Variants in PNPLA7 observed in about 807,000 individuals in gnomAD.
PNPLA7 encodes patatin like domain 7, lysophospholipase, also known as patatin-like phospholipase domain-containing protein 7.
In PNPLA7, 153 loss-of-function variants were observed where a neutral mutation model predicts 161.7. That is an observed-to-expected ratio of 0.95 (90% CI 0.83 to 1.08). The LOEUF (loss-of-function observed/expected upper bound fraction) is 1.08, where lower values mean the gene tolerates loss of function less well. Ranked by LOEUF, PNPLA7 falls within the 50% of genes least tolerant of loss-of-function variation. The pLI is 0.00. For missense variants in PNPLA7, 1,739 were observed against 1,856.6 expected (o/e 0.94, Z 1.16); for synonymous variants, 809 against 782.1 (o/e 1.03, Z -0.57).
chr9:137,504,273 G>A (rs537658674), intron 14 of PNPLA7, among the ~76,000 whole-genome samples: 25 of 152,128 alleles, frequency 1.6e-4, no homozygotes, highest in African/African-American at 5.3e-4. Flanking sequence ...GTGCAGTGGC[G>A]CAATCTTGGC....
chr9:137,542,924 C>A (rs149602959), intron 6 of PNPLA7, 123 bp from the exon 7 acceptor site: 2 of 989,758 alleles, frequency 2.0e-6, no homozygotes, highest in Non-Finnish European at 3.0e-6. Context: ...TGGGTCCACA[C>A]GGCTGACCAA....
intron 17 of PNPLA7, among the ~76,000 whole-genome samples, chr9:137,497,684 C>T (rs1171068411): frequency 1.3e-5 from 2 of 152,224 alleles, no homozygotes; most frequent in South Asian, 2.1e-4. Context: ...CACACCACCA[C>T]GCCCAGCTAA....
intron 11 of PNPLA7, 89 bp downstream of exon 11, chr9:137,519,828 C>T (rs978836771): frequency 2.4e-5 from 36 of 1,516,372 alleles, no homozygotes; most frequent in Non-Finnish European, 3.0e-5. Flanking sequence ...CAGGCATGTG[C>T]AAGATGACCT....
chr9:137,541,277 G>C lies in PNPLA7; in HGVS notation c.667-555C>G. The C allele has an allele frequency of 4.2e-6, 1 of 235,752 alleles. No individual in the cohort carries two copies. The highest frequency in any genetic ancestry group is 6.9e-6 in the Non-Finnish European group (1 of 144,676). 14.6% of individuals were successfully genotyped at this position (235,752 alleles called of 1,614,324 possible). A position where few individuals can be genotyped will look rare whatever the true frequency, so the allele number is the denominator to read the frequency against. ...GACACGGGTTCTGGTCCTTCAGGAG[G>C]GCCCCGCACGAGCGGCAACGAAAGC... On this transcript the variant is annotated intron_variant, in intron 7 of 34. Transcript: ENST00000406427. The surrounding 1 kb of genome is among the most constrained non-coding windows in gnomAD (Gnocchi z 4.4).
chr9:137,544,982 G>A (rs1836417376), intron 4 of PNPLA7, among the ~76,000 whole-genome samples: 1 of 152,064 alleles, frequency 6.6e-6, no homozygotes, highest in Non-Finnish European at 1.5e-5. Context: ...ACACGAATTA[G>A]TTGTACAACC....
intron 20 of PNPLA7, among the ~76,000 whole-genome samples, chr9:137,489,744 A>C (rs1832677804): frequency 1.3e-5 from 2 of 152,202 alleles, no homozygotes; most frequent in South Asian, 4.1e-4. Flanking sequence ...CTCAAAGCAG[A>C]ATCGAGATGA....
At chr9:137,491,798 C>A in intron 20 of PNPLA7, 2 of 985,422 alleles carry the variant, frequency 2.0e-6, no homozygotes, top group South Asian at 9.4e-5. Context: ...CTCCTGCTCC[C>A]AGCCAGCTCA....
At chr9:137,461,704 C>A in intron 32 of PNPLA7, 84 bp from the exon 33 acceptor site, 2 of 1,391,358 alleles carry the variant, frequency 1.4e-6, no homozygotes, top group South Asian at 1.3e-5. Flanking sequence ...AGGCCCCACC[C>A]ACCCTGCGCC....
At position 137,486,960 on chromosome 9, in the gene PNPLA7, C is replaced by G. The variant is rs1832518043; in HGVS notation, c.2198-2224G>C. Among the ~76,000 whole-genome samples, 1 of 151,598 alleles carries G rather than the reference C, an allele frequency of 6.6e-6. No homozygotes were observed. Among genetic ancestry groups the G allele is most frequent in the African/African-American group, 2.4e-5 (1 of 41,232 alleles). On this transcript the variant is annotated intron_variant, in intron 20 of 34. Coordinates refer to ENST00000406427, the MANE Select transcript of PNPLA7 (RefSeq NM_001098537.3). This position sits in a 1 kb window ranked among gnomAD's most constrained non-coding sequence, Gnocchi z 6.0. The stretch of plus-strand genomic sequence containing the variant: ...CTCCTCAGGGAGCGCTGCCCCACCA[C>G]CTGCGTGCCCCTGCCCCTCCCCCCG...
rs1268025369 is a variant in PNPLA7, at chr9:137,547,096, C to G, written c.194-187G>C. On this transcript the variant is annotated intron_variant, in intron 3 of 34. Coordinates refer to ENST00000406427, the MANE Select transcript of PNPLA7 (RefSeq NM_001098537.3). This position sits in a 1 kb window ranked among gnomAD's most constrained non-coding sequence, Gnocchi z 4.6. ...CAAAGGGGGCTCTCCCCTCTTCCCA[C>G]TGAAGCCTTGCTCAGGAGAGGAGAA... Among the ~76,000 whole-genome samples, 1 of 152,220 alleles carries G rather than the reference C, an allele frequency of 6.6e-6. No individual in the cohort carries two copies. The highest frequency in any genetic ancestry group is 2.4e-5 in the African/African-American group (1 of 41,458).
In PNPLA7 at chr9:137,461,206, G is replaced by A. The variant is rs765075997; in HGVS notation, c.3841+330C>T. The A allele has an allele frequency of 4.7e-4, 172 of 364,566 alleles. 1 individual carries two copies. Among genetic ancestry groups the A allele is most frequent in the Non-Finnish European group, 3.5e-4 (69 of 194,620 alleles). 22.6% of individuals were successfully genotyped at this position (364,566 alleles called of 1,614,324 possible). Reference sequence around the variant, plus strand: ...GTGGACCCGCCCTTCTTGTCCTGCGGCCCCTCCAACAAGCAGCCTTCATTC... The same window carrying A: ...GTGGACCCGCCCTTCTTGTCCTGCGACCCCTCCAACAAGCAGCCTTCATTC... On this transcript the variant is annotated intron_variant, in intron 33 of 34. Coordinates refer to ENST00000406427, the MANE Select transcript of PNPLA7 (RefSeq NM_001098537.3).
chr9:137,460,617 C>T lies in PNPLA7; in HGVS notation c.3945+17G>A. 6.2e-7 allele frequency: 1 copy of T among 1,607,926 alleles called. No homozygotes were observed. Among genetic ancestry groups the T allele is most frequent in the Admixed American group, 1.7e-5 (1 of 59,876 alleles). ...CTCAGCTGTGGGCACCAGGTGGGAC[C>T]ATGCCCAGCTCCTCACCAAGTCTGA... On this transcript the variant is annotated intron_variant, in intron 34 of 34. Coordinates refer to ENST00000406427, the MANE Select transcript of PNPLA7 (RefSeq NM_001098537.3).
chr9:137,497,207 G>C lies in PNPLA7; in HGVS notation c.1993C>G (p.Arg665Gly), dbSNP rs150641100. 6.3e-7 allele frequency: 1 copy of C among 1,585,834 alleles called. No homozygotes were observed. The highest frequency in any genetic ancestry group is 1.4e-5 in the African/African-American group (1 of 73,758). Reference protein sequence around the residue: ...GKKRLAGEYGRGDLVGVVETL... With the variant: ...GKKRLAGEYGGGDLVGVVETL... ...CCTACCACGCCGACGAGGTCTCCTC[G>C]GCCGTACTCCCCGGCCAGGCGCTTC... The change falls in exon 18 of 35, where the codon CGA becomes GGA. Residue 665 changes from arginine to glycine, a missense_variant. Around this residue, in one of 6 missense-constraint regions of PNPLA7, gnomAD observed 481 missense variants for 450.0 expected, o/e 1.07. Transcript: ENST00000406427.
chr9:137,529,656 GTTTT>G (rs542511786), intron 8 of PNPLA7, among the ~76,000 whole-genome samples: 3 of 119,132 alleles, frequency 2.5e-5, no homozygotes, highest in African/African-American at 6.6e-5. Context: ...TTGAATCTTT[GTTTT>G]TTTTTTTTTT....
chr9:137,509,557 TGTGA>T (rs1274998959), intron 12 of PNPLA7: 1 of 295,054 alleles, frequency 3.4e-6, no homozygotes, highest in Non-Finnish European at 7.1e-6. Context: ...GTTTAACTGG[TGTGA>T]GTGAGTTTAA....
intron 19 of PNPLA7, 56 bp downstream of exon 19, chr9:137,494,977 C>G (rs1239892268): frequency 1.8e-5 from 27 of 1,464,152 alleles, no homozygotes; most frequent in Non-Finnish European, 2.5e-5. Flanking sequence ...CTGTTCCATG[C>G]CCTCATCCAC....
At position 137,536,092 on chromosome 9, in the gene PNPLA7, G is replaced by T. The variant is rs184309434; in HGVS notation, c.747+4550C>A. ...GGCGTGAACCCAGGAGGCGGAGCTTGCAGTGAGCTGAGATCGCGCCACTGC... is the reference window on the plus strand; with the variant it reads ...GGCGTGAACCCAGGAGGCGGAGCTTTCAGTGAGCTGAGATCGCGCCACTGC... On this transcript the variant is annotated intron_variant, in intron 8 of 34. Coordinates refer to ENST00000406427, the MANE Select transcript of PNPLA7 (RefSeq NM_001098537.3). 2.5e-3 allele frequency among the ~76,000 whole-genome samples: 385 copies of T among 151,316 alleles called. 1 individual carries two copies. In the Middle Eastern group the frequency reaches 0.034, roughly 13 times the overall value.
rs1831174460 is a variant in PNPLA7, at chr9:137,461,189, G to A, written c.3841+347C>T. 1.4e-5 allele frequency: 5 copies of A among 346,294 alleles called. No homozygotes were observed. The East Asian group carries it at 2.2e-4, about 16-fold the overall frequency. 21.5% of individuals were successfully genotyped at this position (346,294 alleles called of 1,614,324 possible). ...ATGGAGCATGGAGGGTAGTGGACCCGCCCTTCTTGTCCTGCGGCCCCTCCA... is the reference window on the plus strand; with the variant it reads ...ATGGAGCATGGAGGGTAGTGGACCCACCCTTCTTGTCCTGCGGCCCCTCCA... On this transcript the variant is annotated intron_variant, in intron 33 of 34. Transcript: ENST00000406427.
At position 137,484,665 on chromosome 9, in the gene PNPLA7, C is replaced by T; in HGVS notation, c.2269G>A (p.Val757Met). 6.2e-7 allele frequency: 1 copy of T among 1,612,574 alleles called. No individual in the cohort carries two copies. The highest frequency in any genetic ancestry group is 8.5e-7 in the Non-Finnish European group (1 of 1,179,424). Residue 757 changes from valine to methionine, a missense_variant, in exon 21 of 35, where the codon GTG (valine) becomes ATG (methionine). Val to Met is a conservative substitution (Grantham distance 21). This residue lies in a region of PNPLA7 where 192 missense variants were observed against 249.5 expected (regional missense o/e 0.77). Transcript: ENST00000406427. ...LGNPAVNLST[V>M]AVMPVSEEVP... ...TCCTCTGACACGGGCATCACTGCCACCGTGGACAGGTTGACAGCCGGGTTC... is the reference window on the plus strand; with the variant it reads ...TCCTCTGACACGGGCATCACTGCCATCGTGGACAGGTTGACAGCCGGGTTC...
Sources: allele counts gnomAD v4.1 joint callset (sites outside exome capture counted in the v4.1 genomes callset), GRCh38; gene constraint gnomAD v4.1.1; regional missense constraint gnomAD v4.1.1; non-coding constraint Gnocchi (gnomAD v3.1); transcripts MANE v1.5; gene names NCBI Gene and HGNC (gene_info 2026-07-23, HGNC 2026-07-21).